LINGO2: variants seen among roughly 807,000 people sequenced by gnomAD.
LINGO2 encodes the protein leucine-rich repeat and immunoglobulin-like domain-containing nogo receptor-interacting protein 2.
In LINGO2, 14 loss-of-function variants were observed where a neutral mutation model predicts 30.6. The ratio of observed to expected loss-of-function variants is 0.46; its 90% CI spans 0.30 to 0.72. LINGO2 has a LOEUF of 0.72. Among genes scored for constraint, LINGO2 ranks in the 30% least tolerant of loss-of-function variants. LINGO2 has a pLI of 0.07. For synonymous variants in LINGO2, 317 were observed against 288.5 expected, an observed-to-expected ratio of 1.10 and a Z score of -1.00; for missense variants, 729 against 751.7, an observed-to-expected ratio of 0.97 and a Z score of 0.35.
the LINGO2 span, among the ~76,000 whole-genome samples, chr9:29,158,018 C>T: frequency 6.6e-6 from 1 of 152,034 alleles, no homozygotes; most frequent in African/African-American, 2.4e-5. Context: ...CTGGATTCAT[C>T]TGGATTAATT....
chr9:28,263,677 T>C (rs570872408), intron 4 of LINGO2, among the ~76,000 whole-genome samples: 1 of 152,140 alleles, frequency 6.6e-6, no homozygotes, highest in South Asian at 2.1e-4. Flanking sequence ...GTATGTAGTG[T>C]GGTTGAAGCA....
intron 1 of LINGO2, among the ~76,000 whole-genome samples, chr9:28,667,167 G>A (rs1291833423): frequency 2.0e-5 from 3 of 152,180 alleles, no homozygotes; most frequent in East Asian, 1.9e-4. Context: ...TCTAGAGTCA[G>A]TAGTCAATTA....
chr9:28,893,573 G>A, the LINGO2 span, among the ~76,000 whole-genome samples: 56 of 74,706 alleles, frequency 7.5e-4, 1 homozygote, highest in East Asian at 0.02. Flanking sequence ...GACAGCAATG[G>A]TTATCATTTT....
the LINGO2 span, among the ~76,000 whole-genome samples, chr9:28,746,905 A>G: frequency 6.6e-6 from 1 of 152,028 alleles, no homozygotes; most frequent in South Asian, 2.1e-4. Context: ...AAAAATAATG[A>G]TATTGACTTC....
the LINGO2 span, among the ~76,000 whole-genome samples, chr9:29,050,181 AG>A: frequency 2.0e-5 from 3 of 152,028 alleles, no homozygotes; most frequent in Non-Finnish European, 4.4e-5. Context: ...ACGCACCACC[AG>A]GTCTGGCTAA....
At chr9:28,388,626 A>G (rs575399314) in intron 2 of LINGO2, among the ~76,000 whole-genome samples, 19 of 152,234 alleles carry the variant, frequency 1.2e-4, no homozygotes, top group African/African-American at 4.1e-4. Flanking sequence ...CTTCATTTTA[A>G]TATGTATGTC....
chr9:28,343,065 T>G (rs970016632), intron 3 of LINGO2, among the ~76,000 whole-genome samples: 1 of 152,152 alleles, frequency 6.6e-6, no homozygotes, highest in African/African-American at 2.4e-5. Flanking sequence ...CATATGGTCA[T>G]TTTATAAAGC....
the LINGO2 span, among the ~76,000 whole-genome samples, chr9:29,211,153 G>A: frequency 6.6e-6 from 1 of 152,054 alleles, no homozygotes; most frequent in Admixed American, 6.6e-5. Flanking sequence ...CCAAGACCCT[G>A]AAACTGCATT....
At chr9:28,109,840 C>T (rs1302476413) in intron 4 of LINGO2, among the ~76,000 whole-genome samples, 1 of 152,098 alleles carries the variant, frequency 6.6e-6, no homozygotes, top group East Asian at 1.9e-4. Context: ...AGATTCAATG[C>T]TATTCCCATC....
intron 1 of LINGO2, among the ~76,000 whole-genome samples, chr9:28,489,881 A>G (rs1826321108): frequency 7.6e-6 from 1 of 132,110 alleles, no homozygotes; most frequent in East Asian, 2.4e-4. Context: ...CTGGAAACAG[A>G]GCAAGACTTT....
chr9:28,813,457 G>T, the LINGO2 span, among the ~76,000 whole-genome samples: 1 of 152,162 alleles, frequency 6.6e-6, no homozygotes, highest in Non-Finnish European at 1.5e-5. Flanking sequence ...TCAGACTGCA[G>T]TTGACCATGG....
intron 4 of LINGO2, among the ~76,000 whole-genome samples, chr9:28,047,938 G>A (rs1424928528): frequency 6.6e-6 from 1 of 150,728 alleles, no homozygotes; most frequent in African/African-American, 2.5e-5. Flanking sequence ...GTAGCAATGT[G>A]ATTTTTTAGA....
At chr9:27,999,702 C>G (rs1454765286) in intron 5 of LINGO2, among the ~76,000 whole-genome samples, 2 of 152,108 alleles carry the variant, frequency 1.3e-5, no homozygotes, top group African/African-American at 4.8e-5. Flanking sequence ...ACACTGACTT[C>G]TCTAAGTCCA....
chr9:29,186,953 C>G, the LINGO2 span, among the ~76,000 whole-genome samples: 1 of 152,072 alleles, frequency 6.6e-6, no homozygotes, highest in Non-Finnish European at 1.5e-5. Context: ...CAATTTTAAA[C>G]GGTTTTCATA....
chr9:28,082,776 C>T (rs1005241666), intron 4 of LINGO2, among the ~76,000 whole-genome samples: 3 of 152,110 alleles, frequency 2.0e-5, no homozygotes, highest in Non-Finnish European at 4.4e-5. Flanking sequence ...TCTCCCTCTG[C>T]GTTTTTCTGA....
At chr9:28,676,627 G>C in the LINGO2 span, among the ~76,000 whole-genome samples, 1 of 152,070 alleles carries the variant, frequency 6.6e-6, no homozygotes, top group South Asian at 2.1e-4. Flanking sequence ...TGTGTTGTTG[G>C]TGGTGGTGTT....
chr9:28,374,396 T>A lies in LINGO2; in HGVS notation c.-278-1528A>T, dbSNP rs7853171. 5.5e-3 allele frequency among the ~76,000 whole-genome samples: 840 copies of A among 151,976 alleles called. 27 individuals carry two copies. The East Asian group carries it at 0.097, about 18-fold the overall frequency. On this transcript the variant is annotated intron_variant, in intron 2 of 5. Coordinates refer to ENST00000379992, the Ensembl canonical transcript of LINGO2. ...TTTTTATAAGGAGAAAATAAATTTT[T>A]AAAAATGTAACAACATAGAAAGAAG...
intron 1 of LINGO2, among the ~76,000 whole-genome samples, chr9:28,546,415 A>G (rs979431885): frequency 1.3e-5 from 2 of 152,086 alleles, no homozygotes; most frequent in Non-Finnish European, 2.9e-5. Context: ...ACAAAAAGGG[A>G]ATGATCTAAT....
chr9:28,638,613 G>A (rs1329062831), intron 1 of LINGO2, among the ~76,000 whole-genome samples: 3 of 152,158 alleles, frequency 2.0e-5, no homozygotes, highest in Non-Finnish European at 4.4e-5. Context: ...GCGTAGAGGT[G>A]TTTATAGTAT....
Sources: gnomAD v4.1 joint callset for allele counts (sites outside exome capture counted in the v4.1 genomes callset) on GRCh38, gnomAD v4.1.1 for gene constraint, MANE v1.5 for transcripts, NCBI Gene and HGNC (gene_info 2026-07-23, HGNC 2026-07-21) for gene names.